AGBL4: variants seen among roughly 807,000 people sequenced by gnomAD.
The protein encoded by AGBL4 is cytosolic carboxypeptidase 6.
In AGBL4, 58 loss-of-function variants were observed where a neutral mutation model predicts 66.4. That is an observed-to-expected ratio of 0.87 (90% CI 0.71 to 1.09). The LOEUF (loss-of-function observed/expected upper bound fraction) is 1.09. AGBL4 is among the 50% of genes least tolerant of loss of function. AGBL4 has a pLI of 0.00. For missense variants in AGBL4, 579 were observed against 631.0 expected (o/e 0.92, Z 0.88); for synonymous variants, 234 against 222.9 (o/e 1.05, Z -0.44).
chr1:49,653,009 A>G (rs996074246), intron 3 of AGBL4, among the ~76,000 whole-genome samples: 1 of 152,048 alleles, frequency 6.6e-6, no homozygotes, highest in African/African-American at 2.4e-5. Flanking sequence ...ACTCCGCCTG[A>G]CTGGGTGAGA....
chr1:49,763,698 A>G (rs910791965), intron 2 of AGBL4, among the ~76,000 whole-genome samples: 8 of 152,022 alleles, frequency 5.3e-5, no homozygotes, highest in African/African-American at 9.7e-5. Context: ...GCACAGGATA[A>G]CCTCCCTGAC....
intron 1 of AGBL4, among the ~76,000 whole-genome samples, chr1:49,946,418 T>A (rs1021511648): frequency 6.6e-6 from 1 of 151,938 alleles, no homozygotes; most frequent in Non-Finnish European, 1.5e-5. Flanking sequence ...TTTAAAACCA[T>A]GCAAATATAT....
intron 3 of AGBL4, among the ~76,000 whole-genome samples, chr1:49,620,853 C>T (rs565636163): frequency 6.6e-6 from 1 of 152,004 alleles, no homozygotes; most frequent in Non-Finnish European, 1.5e-5. Context: ...TTTTATGTAA[C>T]CAAATCAACC....
At chr1:48,545,439 G>A (rs78301092) in intron 11 of AGBL4, among the ~76,000 whole-genome samples, 55 of 152,276 alleles carry the variant, frequency 3.6e-4, no homozygotes, top group Non-Finnish European at 6.9e-4. Context: ...GAGGAGAGGA[G>A]GGATTGATTG....
intron 4 of AGBL4, among the ~76,000 whole-genome samples, chr1:49,215,913 A>G (rs1216193148): frequency 6.6e-6 from 1 of 152,072 alleles, no homozygotes; most frequent in African/African-American, 2.4e-5. Context: ...CTCATTTATC[A>G]TGAGGAAACT....
intron 5 of AGBL4, among the ~76,000 whole-genome samples, chr1:48,889,348 A>C (rs1420258788): frequency 6.6e-6 from 1 of 152,132 alleles, no homozygotes; most frequent in Non-Finnish European, 1.5e-5. Context: ...TTCACAACTT[A>C]TAATTATTGC....
intron 8 of AGBL4, among the ~76,000 whole-genome samples, chr1:48,640,098 G>A (rs1557846544): frequency 6.6e-6 from 1 of 152,146 alleles, no homozygotes; most frequent in Admixed American, 6.5e-5. Context: ...AATTTTGCAT[G>A]AGCTCAAAAT....
At chr1:49,400,785 C>A (rs1015414767) in intron 3 of AGBL4, among the ~76,000 whole-genome samples, 1 of 152,020 alleles carries the variant, frequency 6.6e-6, no homozygotes, top group African/African-American at 2.4e-5. Flanking sequence ...AGATTTTTTC[C>A]CAAATAAAAT....
intron 1 of AGBL4, among the ~76,000 whole-genome samples, chr1:50,008,343 T>C (rs1041824677): frequency 1.3e-5 from 2 of 152,080 alleles, no homozygotes; most frequent in Non-Finnish European, 2.9e-5. Context: ...GGAATAAAAC[T>C]AGAAGTCAAG....
intron 4 of AGBL4, among the ~76,000 whole-genome samples, chr1:49,070,611 ATGTGCTGCTGGATT>A (rs1487564082): frequency 6.6e-6 from 1 of 151,832 alleles, no homozygotes; most frequent in Non-Finnish European, 1.5e-5. Flanking sequence ...AAGCTTTTTG[ATGTGCTGCTGGATT>A]TGGTTTGCCA....
In AGBL4 at chr1:49,384,130, G is replaced by A. The variant is rs1308324402; in HGVS notation, c.283-138266C>T. ...AATTTTAAAACTTCTGCACAGCAAA[G>A]GAAACAATCAATGGAGTAAAAAAGG... is the stretch of plus-strand genomic sequence containing the variant. On this transcript the variant is annotated intron_variant, in intron 3 of 13. Coordinates refer to ENST00000371839, the MANE Select transcript of AGBL4 (RefSeq NM_032785.4). Among the ~76,000 whole-genome samples, 2 of 151,812 alleles carry A rather than the reference G, an allele frequency of 1.3e-5. 1 individual carries two copies. Among genetic ancestry groups the A allele is most frequent in the South Asian group, 4.1e-4 (2 of 4,822 alleles).
At chr1:48,905,076 G>A (rs1230976929) in intron 5 of AGBL4, among the ~76,000 whole-genome samples, 1 of 152,172 alleles carries the variant, frequency 6.6e-6, no homozygotes, top group Non-Finnish European at 1.5e-5. Flanking sequence ...GTGCAGAATA[G>A]AATAGGAAAT....
intron 5 of AGBL4, among the ~76,000 whole-genome samples, chr1:48,914,243 G>A (rs868393414): frequency 6.6e-6 from 1 of 152,206 alleles, no homozygotes; most frequent in African/African-American, 2.4e-5. Flanking sequence ...GGAGGAGATA[G>A]AAGGGCACTC....
intron 5 of AGBL4, among the ~76,000 whole-genome samples, chr1:49,008,001 T>C (rs1163994628): frequency 6.6e-6 from 1 of 152,108 alleles, no homozygotes; most frequent in Admixed American, 6.5e-5. Context: ...AACATCATCA[T>C]GACAGGATCA....
intron 3 of AGBL4, among the ~76,000 whole-genome samples, chr1:49,275,475 A>G (rs1392360403): frequency 5.3e-5 from 8 of 152,216 alleles, no homozygotes; most frequent in African/African-American, 1.7e-4. Flanking sequence ...CAACTTTAAA[A>G]GAGCCTATAT....
At chr1:49,006,260 G>T (rs1326169499) in intron 5 of AGBL4, among the ~76,000 whole-genome samples, 1 of 151,956 alleles carries the variant, frequency 6.6e-6, no homozygotes, top group African/African-American at 2.4e-5. Flanking sequence ...AAAGAAAGGG[G>T]TGATGAAGGG....
At chr1:48,915,888 A>G (rs1024140781) in intron 5 of AGBL4, among the ~76,000 whole-genome samples, 2 of 152,194 alleles carry the variant, frequency 1.3e-5, no homozygotes, top group African/African-American at 4.8e-5. Flanking sequence ...AATAAAATAA[A>G]AAAAATTAAA....
chr1:48,883,110 C>T (rs1292213497), intron 5 of AGBL4, among the ~76,000 whole-genome samples: 1 of 152,166 alleles, frequency 6.6e-6, no homozygotes. Context: ...ATACAGATTT[C>T]ATTTTCTTTG....
chr1:48,935,297 C>A (rs1232431611), intron 5 of AGBL4, among the ~76,000 whole-genome samples: 1 of 152,172 alleles, frequency 6.6e-6, no homozygotes. Flanking sequence ...ACCCTACTCA[C>A]CCCTTCCCTT....
Sources: gnomAD v4.1 joint callset for allele counts (sites outside exome capture counted in the v4.1 genomes callset) on GRCh38, gnomAD v4.1.1 for gene constraint, MANE v1.5 for transcripts, NCBI Gene and HGNC (gene_info 2026-07-23, HGNC 2026-07-21) for gene names.